Variants in CEMIP observed in about 807,000 individuals in gnomAD.
CEMIP encodes cell migration-inducing and hyaluronan-binding protein.
Under a neutral mutation model 156.9 loss-of-function variants are expected in CEMIP, and 105 were observed. The observed-to-expected ratio is 0.67, with a 90% CI of 0.57 to 0.79. CEMIP has a LOEUF of 0.79. Among genes scored for constraint, CEMIP ranks in the 30% least tolerant of loss-of-function variants. The probability of loss-of-function intolerance (pLI) is 0.00; values close to 1 mark genes in which losing one functional copy is unlikely to be tolerated. For synonymous variants in CEMIP, 676 were observed against 668.4 expected, an observed-to-expected ratio of 1.01 and a Z score of -0.17; for missense variants, 1,457 against 1,769.4, an observed-to-expected ratio of 0.82 and a Z score of 3.17.
At chr15:80,824,166 G>C (rs1333347882) in intron 1 of CEMIP, among the ~76,000 whole-genome samples, 1 of 152,202 alleles carries the variant, frequency 6.6e-6, no homozygotes. Context: ...CCCTGGGGAC[G>C]GGTGTTGTGT....
chr15:80,900,648 G>GTGTAT (rs1567090991), intron 12 of CEMIP, among the ~76,000 whole-genome samples: 65 of 111,914 alleles, frequency 5.8e-4, no homozygotes, highest in African/African-American at 2.0e-3. Flanking sequence ...GTGTGTGTGT[G>GTGTAT]TCTGTGTGTG....
intron 1 of CEMIP, among the ~76,000 whole-genome samples, chr15:80,859,192 G>A (rs948043464): frequency 6.6e-6 from 1 of 152,208 alleles, no homozygotes; most frequent in African/African-American, 2.4e-5. Flanking sequence ...GGAGCAAGGC[G>A]AGTGGGTCAG....
At chr15:80,889,357 T>G in intron 9 of CEMIP, 114 bp from the exon 10 acceptor site, 2 of 1,454,756 alleles carry the variant, frequency 1.4e-6, no homozygotes, top group Non-Finnish European at 1.9e-6. Flanking sequence ...GGTGCAACCA[T>G]GGACAGATAA....
rs770177837 is a variant in CEMIP at position 80,931,871 on chromosome 15, T to A, written c.2625T>A (p.Ile875=). ...RTLPIGQNFP[I]RGIQLYDGPI... ...CTTAACTCCGTAGGAATTTTCCAATTAGAGGAATTCAGTTATATGATGGCC... is the reference window on the plus strand; with the variant it reads ...CTTAACTCCGTAGGAATTTTCCAATAAGAGGAATTCAGTTATATGATGGCC... Residue 875 remains isoleucine (I), a synonymous_variant, in exon 22 of 30, where the codon ATT becomes ATA. Coordinates refer to ENST00000394685, the MANE Select transcript of CEMIP (RefSeq NM_001293298.2). 6.2e-7 allele frequency: 1 copy of A among 1,613,988 alleles called. No homozygotes were observed.
At chr15:80,867,930 C>T (rs550643756) in intron 1 of CEMIP, among the ~76,000 whole-genome samples, 3 of 152,272 alleles carry the variant, frequency 2.0e-5, no homozygotes, top group African/African-American at 7.2e-5. Context: ...AGGGCTCTTA[C>T]TGGGCAATGT....
chr15:80,780,183 G>A (rs1895754417), intron 1 of CEMIP, among the ~76,000 whole-genome samples: 1 of 152,104 alleles, frequency 6.6e-6, no homozygotes, highest in South Asian at 2.1e-4. Context: ...ACGCGCTGGC[G>A]CGGGGCCGAG....
chr15:80,857,405 G>A (rs1276086454), intron 1 of CEMIP, among the ~76,000 whole-genome samples: 1 of 152,222 alleles, frequency 6.6e-6, no homozygotes, highest in African/African-American at 2.4e-5. Context: ...CCAGCTCTTT[G>A]AGGAAATTTC....
intron 1 of CEMIP, among the ~76,000 whole-genome samples, chr15:80,829,972 G>GTT: frequency 7.6e-6 from 1 of 131,432 alleles, no homozygotes; most frequent in African/African-American, 2.8e-5. Context: ...GCGGGTGTGT[G>GTT]TGTGTGTGTG....
At chr15:80,857,022 C>T (rs892178683) in intron 1 of CEMIP, among the ~76,000 whole-genome samples, 1 of 152,306 alleles carries the variant, frequency 6.6e-6, no homozygotes, top group Non-Finnish European at 1.5e-5. Flanking sequence ...AGAGTGGTTT[C>T]TACAAATAAA....
intron 1 of CEMIP, among the ~76,000 whole-genome samples, chr15:80,832,373 A>G (rs1016392688): frequency 1.5e-5 from 1 of 64,882 alleles, no homozygotes; most frequent in Non-Finnish European, 3.7e-5. Context: ...AGAGAAACAG[A>G]CAGACTCTAG....
At chr15:80,871,005 AC>A (rs1474936546) in intron 1 of CEMIP, among the ~76,000 whole-genome samples, 4 of 152,108 alleles carry the variant, frequency 2.6e-5, no homozygotes, top group Non-Finnish European at 5.9e-5. Flanking sequence ...GCTAACATGC[AC>A]TCTTCTGAGG....
chr15:80,875,798 A>G (rs1260337905), intron 3 of CEMIP, among the ~76,000 whole-genome samples: 1 of 152,154 alleles, frequency 6.6e-6, no homozygotes, highest in Non-Finnish European at 1.5e-5. Flanking sequence ...ACACTTTCTG[A>G]TTCATACAAA....
chr15:80,792,025 T>C (rs1790900885), intron 1 of CEMIP, among the ~76,000 whole-genome samples: 1 of 152,210 alleles, frequency 6.6e-6, no homozygotes, highest in Admixed American at 6.5e-5. Flanking sequence ...GTAGTTGTCA[T>C]CAGACATTTG....
intron 6 of CEMIP, among the ~76,000 whole-genome samples, chr15:80,883,438 G>C (rs1443785891): frequency 6.6e-6 from 1 of 152,182 alleles, no homozygotes; most frequent in Non-Finnish European, 1.5e-5. Flanking sequence ...AAAATTTTAA[G>C]AGGGTAGATC....
chr15:80,924,476 T>C, intron 17 of CEMIP, 145 bp from the exon 18 acceptor site: 1 of 742,058 alleles, frequency 1.3e-6, no homozygotes, highest in Non-Finnish European at 2.4e-6. Flanking sequence ...TCCCTTACTG[T>C]AGATCCTCTA....
intron 14 of CEMIP, among the ~76,000 whole-genome samples, chr15:80,915,719 C>T (rs1005765731): frequency 2.6e-5 from 4 of 152,178 alleles, no homozygotes; most frequent in African/African-American, 9.7e-5. Context: ...ATTCTCCCAT[C>T]CTCCTCCCCA....
intron 1 of CEMIP, among the ~76,000 whole-genome samples, chr15:80,809,291 G>A (rs1200489939): frequency 2.0e-5 from 3 of 152,180 alleles, no homozygotes; most frequent in Non-Finnish European, 4.4e-5. Context: ...CAATTATTGT[G>A]TCTCCATATA....
intron 1 of CEMIP, among the ~76,000 whole-genome samples, chr15:80,832,557 T>C (rs1230706548): frequency 6.6e-6 from 1 of 152,108 alleles, no homozygotes; most frequent in East Asian, 1.9e-4. Flanking sequence ...GGGGTCTCAC[T>C]GAGACACTCA....
intron 28 of CEMIP, 62 bp downstream of exon 28, chr15:80,943,164 C>A: frequency 6.4e-7 from 1 of 1,567,296 alleles, no homozygotes; most frequent in Non-Finnish European, 8.8e-7. Flanking sequence ...GGGCAAGGGC[C>A]CCCTCCCTCT....
Sources: allele counts gnomAD v4.1 joint callset (sites outside exome capture counted in the v4.1 genomes callset), GRCh38; gene constraint gnomAD v4.1.1; transcripts MANE v1.5; gene names NCBI Gene and HGNC (gene_info 2026-07-23, HGNC 2026-07-21).